Variants in TBC1D5 observed in about 807,000 individuals in gnomAD.
TBC1D5 encodes the protein TBC1 domain family, member 5.
In TBC1D5, 75 loss-of-function variants were observed where a neutral mutation model predicts 100.3. The ratio of observed to expected loss-of-function variants is 0.75; its 90% CI spans 0.62 to 0.91. The LOEUF (loss-of-function observed/expected upper bound fraction) is 0.91. Among genes scored for constraint, TBC1D5 ranks in the 40% least tolerant of loss-of-function variants. The probability of loss-of-function intolerance (pLI) is 0.00; values close to 1 mark genes in which losing one functional copy is unlikely to be tolerated. For synonymous variants in TBC1D5, 323 were observed against 325.6 expected (o/e 0.99, Z 0.09); for missense variants, 910 against 942.4 (o/e 0.97, Z 0.45).
chr3:17,325,702 T>A (rs913634577), intron 13 of TBC1D5, among the ~76,000 whole-genome samples: 1 of 152,208 alleles, frequency 6.6e-6, no homozygotes, highest in African/African-American at 2.4e-5. Context: ...TATGATATTC[T>A]GGAAATGGTA....
intron 4 of TBC1D5, among the ~76,000 whole-genome samples, chr3:17,421,649 C>T (rs2094210583): frequency 6.6e-6 from 1 of 152,116 alleles, no homozygotes; most frequent in Admixed American, 6.6e-5. Context: ...GTTTTCATGA[C>T]AAGGGCCAAG....
At chr3:17,543,878 T>TC (rs1457324931) in intron 2 of TBC1D5, among the ~76,000 whole-genome samples, 24 of 146,924 alleles carry the variant, frequency 1.6e-4, no homozygotes, top group African/African-American at 6.2e-4. Context: ...TTTTTTTTTC[T>TC]TTTTTTTTGA....
chr3:17,637,163 G>A (rs1361204732), intron 1 of TBC1D5, among the ~76,000 whole-genome samples: 46 of 147,106 alleles, frequency 3.1e-4, no homozygotes, highest in Non-Finnish European at 5.7e-4. Flanking sequence ...CTGGGACTAC[G>A]GGTGTGTGCC....
intron 18 of TBC1D5, among the ~76,000 whole-genome samples, chr3:17,185,479 T>C (rs1251934478): frequency 6.6e-6 from 1 of 152,218 alleles, no homozygotes; most frequent in Admixed American, 6.5e-5. Flanking sequence ...ATATACAATC[T>C]TGCATTGCAA....
At chr3:17,644,927 TCAAAA>T (rs529583323) in intron 1 of TBC1D5, among the ~76,000 whole-genome samples, 11 of 151,962 alleles carry the variant, frequency 7.2e-5, no homozygotes, top group East Asian at 1.9e-4. Context: ...TTTAATTTAT[TCAAAA>T]CAAAACAAAA....
chr3:17,649,441 C>T (rs1174835198), intron 1 of TBC1D5, among the ~76,000 whole-genome samples: 1 of 151,990 alleles, frequency 6.6e-6, no homozygotes, highest in African/African-American at 2.4e-5. Flanking sequence ...ACCTATGTAA[C>T]AAATCTGCAT....
intron 15 of TBC1D5, among the ~76,000 whole-genome samples, chr3:17,272,780 G>C (rs928992873): frequency 2.6e-5 from 4 of 152,158 alleles, no homozygotes; most frequent in African/African-American, 9.6e-5. Context: ...AATAATACAA[G>C]TTCCAAGTAT....
At chr3:17,558,529 TTGA>T (rs1560158396) in intron 2 of TBC1D5, among the ~76,000 whole-genome samples, 2 of 152,110 alleles carry the variant, frequency 1.3e-5, no homozygotes, top group African/African-American at 4.8e-5. Flanking sequence ...CATGAACAGG[TTGA>T]ATTCATACAG....
chr3:17,518,720 G>A (rs1159672639), intron 2 of TBC1D5, among the ~76,000 whole-genome samples: 2 of 152,254 alleles, frequency 1.3e-5, no homozygotes, highest in African/African-American at 4.8e-5. Flanking sequence ...CAAAAAGGCA[G>A]AAAGCCCACT....
At chr3:17,709,061 A>G (rs367806233) in intron 1 of TBC1D5, among the ~76,000 whole-genome samples, 23 of 152,286 alleles carry the variant, frequency 1.5e-4, no homozygotes, top group East Asian at 1.3e-3. Flanking sequence ...ATACATGCAT[A>G]TTAGTATTAA....
chr3:17,621,765 T>C (rs2062681173), intron 2 of TBC1D5, among the ~76,000 whole-genome samples: 1 of 152,170 alleles, frequency 6.6e-6, no homozygotes, highest in Admixed American at 6.5e-5. Context: ...ATTCTAGCTC[T>C]TGTACATTTA....
chr3:17,473,124 G>A (rs557295994), intron 3 of TBC1D5, among the ~76,000 whole-genome samples: 12 of 151,966 alleles, frequency 7.9e-5, no homozygotes, highest in Non-Finnish European at 1.2e-4. Flanking sequence ...TAAATATCTC[G>A]GTCAAGTGCA....
chr3:17,569,025 A>G (rs1028791739), intron 2 of TBC1D5, among the ~76,000 whole-genome samples: 1 of 151,852 alleles, frequency 6.6e-6, no homozygotes, highest in South Asian at 2.1e-4. Context: ...CCTTGTAATT[A>G]CCCTAATGTT....
At chr3:17,487,354 TTATGTAAAAA>T (rs2095582220) in intron 3 of TBC1D5, among the ~76,000 whole-genome samples, 1 of 152,222 alleles carries the variant, frequency 6.6e-6, no homozygotes, top group Non-Finnish European at 1.5e-5. Flanking sequence ...CACTAACAGT[TTATGTAAAAA>T]TATGAGTTAA....
At chr3:17,636,800 CA>C (rs1209811496) in intron 1 of TBC1D5, among the ~76,000 whole-genome samples, 56 of 136,758 alleles carry the variant, frequency 4.1e-4, no homozygotes, top group Non-Finnish European at 3.8e-4. Flanking sequence ...GACTCCGTCT[CA>C]AAAAAAAAAA....
intron 2 of TBC1D5, among the ~76,000 whole-genome samples, chr3:17,600,768 T>A (rs1181893185): frequency 6.6e-6 from 1 of 151,868 alleles, no homozygotes; most frequent in African/African-American, 2.4e-5. Flanking sequence ...TGGTTATTAC[T>A]CTCCAAGAGC....
intron 2 of TBC1D5, among the ~76,000 whole-genome samples, chr3:17,620,256 AG>A (rs1239782621): frequency 6.6e-6 from 1 of 152,344 alleles, no homozygotes; most frequent in Admixed American, 6.5e-5. Context: ...CTGGGATTAC[AG>A]GGGCAAGCCA....
chr3:17,643,830 G>A (rs989663873), intron 1 of TBC1D5, among the ~76,000 whole-genome samples: 2 of 151,982 alleles, frequency 1.3e-5, no homozygotes, highest in African/African-American at 4.8e-5. Flanking sequence ...ATTTTTTATT[G>A]CAAGTAATGC....
chr3:17,597,219 G>T (rs2060630960), intron 2 of TBC1D5, among the ~76,000 whole-genome samples: 2 of 152,124 alleles, frequency 1.3e-5, no homozygotes, highest in African/African-American at 2.4e-5. Context: ...GACCGTGCTA[G>T]GGAATAAAAG....
Sources: allele counts gnomAD v4.1 joint callset (sites outside exome capture counted in the v4.1 genomes callset), GRCh38; gene constraint gnomAD v4.1.1; transcripts MANE v1.5; gene names NCBI Gene and HGNC (gene_info 2026-07-23, HGNC 2026-07-21).